Variants in TXLNB observed in about 807,000 individuals in gnomAD.
TXLNB encodes the protein beta-taxilin.
TXLNB carries 37 observed loss-of-function variants against 57.4 expected under a neutral mutation model. The ratio of observed to expected loss-of-function variants is 0.64; its 90% CI spans 0.50 to 0.85. TXLNB has a LOEUF of 0.85. Among genes scored for constraint, TXLNB ranks in the 40% least tolerant of loss-of-function variants. TXLNB has a pLI of 0.00. For missense variants in TXLNB, 848 were observed against 825.6 expected (o/e 1.03, Z -0.33); for synonymous variants, 302 against 309.6 (o/e 0.98, Z 0.26).
rs968234395 is a variant in TXLNB at position 139,242,331 on chromosome 6, A to T, written c.*195T>A. On this transcript the variant is annotated 3_prime_UTR_variant, in exon 10 of 10. Coordinates refer to ENST00000358430, the MANE Select transcript of TXLNB (RefSeq NM_153235.4). ...TACTGTCAACCAGTGTTAAATAGAA[A>T]ACCTTCAAATCAGCTATAAATTGAC... 7 of 433,074 alleles carry T rather than the reference A, an allele frequency of 1.6e-5. No homozygotes were observed. Among genetic ancestry groups the T allele is most frequent in the Non-Finnish European group, 2.7e-5 (7 of 258,796 alleles). The allele number at this position is 433,074 out of a possible 1,614,324, so 26.8% of individuals were successfully genotyped here.
At chr6:139,264,830 G>T (rs1238696164) in intron 4 of TXLNB, among the ~76,000 whole-genome samples, 1 of 152,146 alleles carries the variant, frequency 6.6e-6, no homozygotes, top group Non-Finnish European at 1.5e-5. Flanking sequence ...AAAGTGCTGG[G>T]ATTATGGGGG....
At chr6:139,295,597 T>C (rs75831280), upstream of TXLNB, among the ~76,000 whole-genome samples, 336 of 152,286 alleles carry the variant, frequency 2.2e-3, 2 homozygotes, top group Non-Finnish European at 3.0e-3. Context: ...GGATTTACTT[T>C]ATCATTTTTA....
the TXLNB span, among the ~76,000 whole-genome samples, chr6:139,164,080 A>ACTCTCTCTCT: frequency 0.03 from 4,508 of 148,130 alleles, 67 homozygotes; most frequent in Non-Finnish European, 0.041. Context: ...ACACACACAC[A>ACTCTCTCTCT]CTCTCTCTCT....
At chr6:139,251,877 G>C (rs538214741) in intron 7 of TXLNB, among the ~76,000 whole-genome samples, 159 of 152,330 alleles carry the variant, frequency 1.0e-3, no homozygotes, top group African/African-American at 3.4e-3. Flanking sequence ...TCACCCTGTA[G>C]AGGTATGGGG....
the TXLNB span, among the ~76,000 whole-genome samples, chr6:139,212,080 C>T: frequency 1.8e-4 from 27 of 152,080 alleles, no homozygotes; most frequent in African/African-American, 6.5e-4. Flanking sequence ...GAGAACTTCC[C>T]CAATCTAGCA....
At position 139,286,431 on chromosome 6, in the gene TXLNB, G is replaced by A. The variant is rs1583030148; in HGVS notation, c.424+2045C>T. Reference sequence around the variant, plus strand: ...ATCTCCTTCAGAAAATATCAAAGCTGCAGTTTATTACTCTCTCAGAGAAAC... The same window carrying A: ...ATCTCCTTCAGAAAATATCAAAGCTACAGTTTATTACTCTCTCAGAGAAAC... On this transcript the variant is annotated intron_variant, in intron 2 of 9. Coordinates refer to ENST00000358430, the MANE Select transcript of TXLNB (RefSeq NM_153235.4). Among the ~76,000 whole-genome samples, 5 of 151,174 alleles carry A rather than the reference G, an allele frequency of 3.3e-5. No individual in the cohort carries two copies. The South Asian group carries it at 1.0e-3, about 32-fold the overall frequency.
the TXLNB span, among the ~76,000 whole-genome samples, chr6:139,202,414 G>C: frequency 6.6e-6 from 1 of 151,896 alleles, no homozygotes; most frequent in African/African-American, 2.4e-5. Context: ...TTTGATCTTT[G>C]TTTTAAAGAT....
chr6:139,167,153 C>T, the TXLNB span: 3 of 1,614,142 alleles, frequency 1.9e-6, no homozygotes, highest in Admixed American at 5.0e-5. Context: ...GGAAGACTTG[C>T]GGAAGTTCAT....
At chr6:139,279,197 G>T (rs1173857903) in intron 2 of TXLNB, among the ~76,000 whole-genome samples, 1 of 152,202 alleles carries the variant, frequency 6.6e-6, no homozygotes, top group African/African-American at 2.4e-5. Flanking sequence ...AGATAGAAAT[G>T]AGTGAGTCCA....
chr6:139,322,659 A>G, the TXLNB span, among the ~76,000 whole-genome samples: 3 of 152,138 alleles, frequency 2.0e-5, no homozygotes, highest in African/African-American at 4.8e-5. Context: ...TCTATCCTCA[A>G]TACGGTGCAG....
chr6:139,322,901 C>A, the TXLNB span, among the ~76,000 whole-genome samples: 1 of 152,152 alleles, frequency 6.6e-6, no homozygotes, highest in South Asian at 2.1e-4. Context: ...CTGGGTTTTC[C>A]CTGCTGTTGA....
the TXLNB span, among the ~76,000 whole-genome samples, chr6:139,162,613 G>A: frequency 6.6e-6 from 1 of 152,168 alleles, no homozygotes; most frequent in Non-Finnish European, 1.5e-5. Context: ...ATACATAGAG[G>A]TAGACAAATT....
At position 139,264,815 on chromosome 6, in the gene TXLNB, C is replaced by T. The variant is rs138903627; in HGVS notation, c.688-2042G>A. Among the ~76,000 whole-genome samples, 446 of 152,216 alleles carry T rather than the reference C, an allele frequency of 2.9e-3. 9 individuals carry two copies. The South Asian group carries it at 0.052, about 18-fold the overall frequency. ...CCTCAGATGATCTGCCCACCTTGGC[C>T]GCCCAAAGTGCTGGGATTATGGGGG... On this transcript the variant is annotated intron_variant, in intron 4 of 9. Transcript: ENST00000358430.
intron 3 of TXLNB, 151 bp from the exon 4 acceptor site, chr6:139,270,777 C>T (rs900348619): frequency 2.6e-5 from 18 of 679,474 alleles, no homozygotes; most frequent in Admixed American, 1.4e-4. Flanking sequence ...AATTCACAAA[C>T]GTCACCTTTG....
chr6:139,300,282 A>C, the TXLNB span, among the ~76,000 whole-genome samples: 2 of 152,254 alleles, frequency 1.3e-5, no homozygotes, highest in East Asian at 3.9e-4. Context: ...GCATGGACTA[A>C]TTTTTAAATT....
chr6:139,207,595 A>T, the TXLNB span, among the ~76,000 whole-genome samples: 125 of 152,298 alleles, frequency 8.2e-4, no homozygotes, highest in Non-Finnish European at 1.9e-4. Flanking sequence ...AGAACAAACT[A>T]AATACAAGCC....
the TXLNB span, among the ~76,000 whole-genome samples, chr6:139,318,070 C>T: frequency 4.4e-4 from 67 of 151,758 alleles, no homozygotes; most frequent in African/African-American, 1.3e-3. Context: ...GAGATCGAGA[C>T]CATCCTGGCT....
intron 4 of TXLNB, among the ~76,000 whole-genome samples, chr6:139,263,255 T>G (rs1261424388): frequency 6.6e-6 from 1 of 152,170 alleles, no homozygotes; most frequent in African/African-American, 2.4e-5. Flanking sequence ...TTTGTAAATA[T>G]AAGTGATCAC....
rs1315375598 is a variant in TXLNB at position 139,288,893 on chromosome 6, C to T, written c.7G>A (p.Ala3Thr). 1 of 1,611,358 alleles carries T rather than the reference C, an allele frequency of 6.2e-7. No homozygotes were observed. The highest frequency in any genetic ancestry group is 8.5e-7 in the Non-Finnish European group (1 of 1,178,032). The change falls in exon 2 of 10, where the codon GCT becomes ACT. Residue 3 changes from alanine to threonine, a missense_variant. By Grantham distance (58) the Ala-to-Thr change is moderately conservative. Coordinates refer to ENST00000358430, the MANE Select transcript of TXLNB (RefSeq NM_153235.4). The part of the protein sequence containing the change: ME[A>T]NHSEQLSAER... Reference sequence around the variant, plus strand: ...GCTGAGAGCTGTTCAGAGTGATTAGCCTCCATCTTGGGAGTAGTATCTAGT... The same window carrying T: ...GCTGAGAGCTGTTCAGAGTGATTAGTCTCCATCTTGGGAGTAGTATCTAGT...
Sources: gnomAD v4.1 joint callset for allele counts (sites outside exome capture counted in the v4.1 genomes callset) on GRCh38, gnomAD v4.1.1 for gene constraint, MANE v1.5 for transcripts, NCBI Gene and HGNC (gene_info 2026-07-23, HGNC 2026-07-21) for gene names.